PPARGC1A: variants seen among roughly 807,000 people sequenced by gnomAD.
PPARGC1A encodes the protein PPARG coactivator 1 alpha, also known as peroxisome proliferator-activated receptor gamma coactivator 1-alpha.
A neutral mutation model predicts 88.7 loss-of-function variants in PPARGC1A; 25 were observed. That is an observed-to-expected ratio of 0.28 (90% CI 0.21 to 0.39). The LOEUF is 0.39. Among genes scored for constraint, PPARGC1A ranks in the 10% least tolerant of loss-of-function variants. The probability of loss-of-function intolerance (pLI) is 1.00; values close to 1 mark genes in which losing one functional copy is unlikely to be tolerated. For missense variants in PPARGC1A, 880 were observed against 968.7 expected, an observed-to-expected ratio of 0.91 and a Z score of 1.22; for synonymous variants, 363 against 355.6, an observed-to-expected ratio of 1.02 and a Z score of -0.24.
chr4:24,156,752 T>C, the PPARGC1A span, among the ~76,000 whole-genome samples: 2 of 150,504 alleles, frequency 1.3e-5, no homozygotes, highest in Non-Finnish European at 3.0e-5. Context: ...TTTTTTTTTT[T>C]AACTTTTGTT....
the PPARGC1A span, among the ~76,000 whole-genome samples, chr4:24,402,862 G>A: frequency 2.0e-5 from 3 of 152,306 alleles, no homozygotes; most frequent in Non-Finnish European, 4.4e-5. Context: ...GTGCTAGATT[G>A]TACGCCCTAC....
At chr4:24,400,286 C>T in the PPARGC1A span, among the ~76,000 whole-genome samples, 1 of 152,124 alleles carries the variant, frequency 6.6e-6, no homozygotes, top group Non-Finnish European at 1.5e-5. Context: ...CACCCTTAAC[C>T]TGGTGGGCAC....
chr4:23,809,287 G>T (rs1247668760), intron 10 of PPARGC1A, among the ~76,000 whole-genome samples: 1 of 152,112 alleles, frequency 6.6e-6, no homozygotes, highest in Non-Finnish European at 1.5e-5. Context: ...CTATTTGGAG[G>T]AAGGGAATCA....
the PPARGC1A span, among the ~76,000 whole-genome samples, chr4:24,316,346 C>G: frequency 6.6e-6 from 1 of 152,202 alleles, no homozygotes; most frequent in Non-Finnish European, 1.5e-5. Context: ...CATCAAGATT[C>G]TAAACCAGAC....
chr4:23,839,388 G>A (rs1479065660), intron 2 of PPARGC1A, among the ~76,000 whole-genome samples: 1 of 152,152 alleles, frequency 6.6e-6, no homozygotes, highest in African/African-American at 2.4e-5. Context: ...GGAAGAGGAA[G>A]GAACTGAGTT....
the PPARGC1A span, among the ~76,000 whole-genome samples, chr4:23,913,505 T>C: frequency 1.3e-5 from 2 of 151,784 alleles, no homozygotes; most frequent in Non-Finnish European, 2.9e-5. Flanking sequence ...GAACAACTGG[T>C]GAAATGTGTA....
chr4:24,074,176 A>G, the PPARGC1A span, among the ~76,000 whole-genome samples: 6 of 152,174 alleles, frequency 3.9e-5, no homozygotes, highest in African/African-American at 1.2e-4. Context: ...AATGAAAATG[A>G]GAGCTTTTGC....
chr4:24,207,920 A>G, the PPARGC1A span, among the ~76,000 whole-genome samples: 1 of 152,170 alleles, frequency 6.6e-6, no homozygotes, highest in Non-Finnish European at 1.5e-5. Context: ...TCTGATTATT[A>G]AGTTTCTGCC....
the PPARGC1A span, among the ~76,000 whole-genome samples, chr4:24,008,912 A>T: frequency 6.6e-6 from 1 of 152,224 alleles, no homozygotes; most frequent in South Asian, 2.1e-4. Flanking sequence ...CTCAGCAAAG[A>T]TAAAAATATG....
At chr4:23,972,147 A>G in the PPARGC1A span, among the ~76,000 whole-genome samples, 49 of 152,372 alleles carry the variant, frequency 3.2e-4, no homozygotes, top group African/African-American at 1.1e-3. Flanking sequence ...GAAATAAAAT[A>G]AAATTTGAAA....
chr4:24,098,535 G>A, the PPARGC1A span, among the ~76,000 whole-genome samples: 1 of 152,118 alleles, frequency 6.6e-6, no homozygotes, highest in Non-Finnish European at 1.5e-5. Context: ...AATGAACAGA[G>A]ATAGAAAGCA....
chr4:23,877,538 A>AAAAAAC (rs1715029176), intron 2 of PPARGC1A, among the ~76,000 whole-genome samples: 1 of 14,636 alleles, frequency 6.8e-5, no homozygotes, highest in African/African-American at 2.0e-4. Flanking sequence ...ACTCCATCTC[A>AAAAAAC]AAAAAAAAAA....
the PPARGC1A span, among the ~76,000 whole-genome samples, chr4:24,254,094 C>T: frequency 1.3e-5 from 2 of 152,156 alleles, no homozygotes; most frequent in East Asian, 1.9e-4. Context: ...TGTTCTTACT[C>T]AAAGATTTGT....
chr4:23,884,999 T>C (rs1716619114), intron 1 of PPARGC1A, 68 bp from the exon 2 acceptor site: 6 of 1,323,104 alleles, frequency 4.5e-6, no homozygotes, highest in African/African-American at 3.0e-5. Context: ...TAAACTGCAA[T>C]AGCATGTGAT....
chr4:24,398,475 A>G, the PPARGC1A span, among the ~76,000 whole-genome samples: 1 of 152,156 alleles, frequency 6.6e-6, no homozygotes, highest in African/African-American at 2.4e-5. Flanking sequence ...TTTTTCTGAT[A>G]TATTTTTGAT....
At chr4:24,030,883 A>G in the PPARGC1A span, among the ~76,000 whole-genome samples, 1 of 152,194 alleles carries the variant, frequency 6.6e-6, no homozygotes, top group South Asian at 2.1e-4. Flanking sequence ...CATTCTTCCA[A>G]CAAACAGTTG....
the PPARGC1A span, among the ~76,000 whole-genome samples, chr4:23,999,825 A>G: frequency 3.7e-4 from 56 of 152,264 alleles, 1 homozygote; most frequent in South Asian, 0.011. Flanking sequence ...GGAGAGGTAG[A>G]CGCAGCCGCC....
chr4:24,455,709 G>A, the PPARGC1A span, among the ~76,000 whole-genome samples: 1 of 152,216 alleles, frequency 6.6e-6, no homozygotes, highest in South Asian at 2.1e-4. Flanking sequence ...TGTTCCAAGA[G>A]TGAGCTTATT....
At chr4:24,221,118 A>G in the PPARGC1A span, among the ~76,000 whole-genome samples, 2 of 152,244 alleles carry the variant, frequency 1.3e-5, no homozygotes, top group Non-Finnish European at 2.9e-5. Context: ...AGGGAATAAC[A>G]AAATTGAACA....
Sources: gnomAD v4.1 joint callset for allele counts (sites outside exome capture counted in the v4.1 genomes callset) on GRCh38, gnomAD v4.1.1 for gene constraint, MANE v1.5 for transcripts, NCBI Gene and HGNC (gene_info 2026-07-23, HGNC 2026-07-21) for gene names.